AGBL4: variants seen among roughly 807,000 people sequenced by gnomAD.
The protein encoded by AGBL4 is AGBL carboxypeptidase 4.
In AGBL4, 58 loss-of-function variants were observed where a neutral mutation model predicts 66.4. The observed-to-expected ratio is 0.87, with a 90% CI of 0.71 to 1.09. The LOEUF is 1.09. Ranked by LOEUF, AGBL4 falls within the 50% of genes least tolerant of loss-of-function variation. The pLI is 0.00. For synonymous variants in AGBL4, 234 were observed against 222.9 expected (o/e 1.05, Z -0.44); for missense variants, 579 against 631.0 (o/e 0.92, Z 0.88).
chr1:49,913,608 C>CA (rs1651082055), intron 1 of AGBL4, among the ~76,000 whole-genome samples: 2 of 152,252 alleles, frequency 1.3e-5, no homozygotes, highest in South Asian at 4.1e-4. Context: ...AGGATGGCCC[C>CA]ATACCATGGT....
chr1:49,140,089 T>G (rs1646089506), intron 4 of AGBL4, among the ~76,000 whole-genome samples: 1 of 152,202 alleles, frequency 6.6e-6, no homozygotes, highest in South Asian at 2.1e-4. Flanking sequence ...AGTCACCTGG[T>G]AATTAAGTGG....
intron 4 of AGBL4, among the ~76,000 whole-genome samples, chr1:49,059,744 G>A (rs1046347142): frequency 1.3e-5 from 2 of 152,196 alleles, no homozygotes; most frequent in Non-Finnish European, 2.9e-5. Flanking sequence ...GTATCAGCAT[G>A]ACCTGGATGT....
At chr1:49,996,859 G>C (rs551210070) in intron 1 of AGBL4, among the ~76,000 whole-genome samples, 1 of 152,140 alleles carries the variant, frequency 6.6e-6, no homozygotes, top group Non-Finnish European at 1.5e-5. Context: ...ATTAATAGCA[G>C]ATTTTTCAGC....
intron 4 of AGBL4, among the ~76,000 whole-genome samples, chr1:49,096,590 C>CA (rs1323188428): frequency 6.7e-6 from 1 of 148,800 alleles, no homozygotes; most frequent in African/African-American, 2.5e-5. Context: ...ATCGCAAGGA[C>CA]AAAAAACCAA....
chr1:49,099,437 AG>A (rs1467303600), intron 4 of AGBL4, among the ~76,000 whole-genome samples: 1 of 152,204 alleles, frequency 6.6e-6, no homozygotes, highest in African/African-American at 2.4e-5. Context: ...AACTACCAAT[AG>A]GACCTTATAT....
intron 2 of AGBL4, among the ~76,000 whole-genome samples, chr1:49,741,326 A>T (rs982709120): frequency 4.6e-5 from 7 of 152,192 alleles, no homozygotes; most frequent in Non-Finnish European, 1.0e-4. Context: ...TCCTCAACAC[A>T]TACACCCTCC....
chr1:49,065,499 T>C (rs891849464), intron 4 of AGBL4, among the ~76,000 whole-genome samples: 9 of 152,198 alleles, frequency 5.9e-5, no homozygotes, highest in Non-Finnish European at 1.3e-4. Flanking sequence ...ATAGGTTTCA[T>C]GTGGGAATAA....
chr1:48,640,900 C>A (rs1439587853), intron 8 of AGBL4, among the ~76,000 whole-genome samples: 1 of 152,182 alleles, frequency 6.6e-6, no homozygotes, highest in African/African-American at 2.4e-5. Context: ...GCAATAATGG[C>A]AGCTAGAATG....
chr1:48,726,547 A>C (rs994165344), intron 6 of AGBL4, among the ~76,000 whole-genome samples: 2 of 152,208 alleles, frequency 1.3e-5, no homozygotes, highest in African/African-American at 4.8e-5. Flanking sequence ...GTTATTATTA[A>C]TATTATTAAG....
intron 11 of AGBL4, among the ~76,000 whole-genome samples, chr1:48,561,308 TTTC>T (rs1355860635): frequency 6.6e-6 from 1 of 152,134 alleles, no homozygotes; most frequent in African/African-American, 2.4e-5. Context: ...CTCTCCTTTC[TTTC>T]TTTTGTAAAA....
At position 48,823,043 on chromosome 1, in the gene AGBL4, G is replaced by T. The variant is rs149358706; in HGVS notation, c.634+44148C>A. On this transcript the variant is annotated intron_variant, in intron 6 of 13. Transcript: ENST00000371839. The stretch of plus-strand genomic sequence containing the variant: ...TGCACCAAACATACCAGGACTATTC[G>T]ATAGAAAACATTCTTATTCCTTGTA... Among the ~76,000 whole-genome samples the T allele has an allele frequency of 1.6e-4, 25 of 152,224 alleles. No homozygotes were observed. In the East Asian group the frequency reaches 4.2e-3, roughly 26 times the overall value.
chr1:49,601,087 A>T (rs1365360164), intron 3 of AGBL4, among the ~76,000 whole-genome samples: 1 of 152,026 alleles, frequency 6.6e-6, no homozygotes. Context: ...AACCTTGGTG[A>T]ATCTGACAAT....
intron 3 of AGBL4, among the ~76,000 whole-genome samples, chr1:49,364,730 G>A (rs1230320143): frequency 2.0e-5 from 3 of 152,088 alleles, no homozygotes; most frequent in Admixed American, 6.5e-5. Context: ...TGCCCACCTC[G>A]GCCTCCCAAA....
intron 5 of AGBL4, among the ~76,000 whole-genome samples, chr1:48,871,116 A>C (rs1179027990): frequency 1.3e-5 from 2 of 152,200 alleles, no homozygotes; most frequent in African/African-American, 4.8e-5. Context: ...AATAATGTAC[A>C]ATCAGCCATA....
intron 4 of AGBL4, among the ~76,000 whole-genome samples, chr1:49,106,791 G>C (rs553651508): frequency 3.3e-5 from 5 of 152,228 alleles, no homozygotes; most frequent in Admixed American, 3.3e-4. Context: ...TAAATTCTAT[G>C]AAAGACCTTA....
At chr1:48,620,738 C>G (rs1645399112) in intron 9 of AGBL4, among the ~76,000 whole-genome samples, 1 of 152,116 alleles carries the variant, frequency 6.6e-6, no homozygotes, top group South Asian at 2.1e-4. Context: ...TAGGTTTGAG[C>G]TGATAATAAA....
chr1:49,948,098 G>GTATATA (rs557776678), intron 1 of AGBL4, among the ~76,000 whole-genome samples: 2 of 87,626 alleles, frequency 2.3e-5, no homozygotes, highest in Non-Finnish European at 3.9e-5. Context: ...ATATGTATAT[G>GTATATA]TATATATATG....
intron 5 of AGBL4, among the ~76,000 whole-genome samples, chr1:48,931,854 T>C (rs1343332482): frequency 6.6e-6 from 1 of 152,162 alleles, no homozygotes; most frequent in Non-Finnish European, 1.5e-5. Flanking sequence ...GTATTATTTA[T>C]GGTTTATTTG....
intron 6 of AGBL4, among the ~76,000 whole-genome samples, chr1:48,716,444 T>A (rs1647051952): frequency 6.6e-6 from 1 of 152,204 alleles, no homozygotes; most frequent in Non-Finnish European, 1.5e-5. Context: ...TTGTGGGGAC[T>A]CAGTTCAGGG....
Sources: allele counts gnomAD v4.1 joint callset (sites outside exome capture counted in the v4.1 genomes callset), GRCh38; gene constraint gnomAD v4.1.1; transcripts MANE v1.5; gene names NCBI Gene and HGNC (gene_info 2026-07-23, HGNC 2026-07-21).